The following SHC3 variants were observed in gnomAD, a reference collection of about 807,000 sequenced individuals.
The protein encoded by SHC3 is SHC-transforming protein 3.
SHC3 carries 15 observed loss-of-function variants against 60.4 expected under a neutral mutation model. That is an observed-to-expected ratio of 0.25 (90% confidence interval 0.17 to 0.38). The LOEUF (loss-of-function observed/expected upper bound fraction) is 0.38. SHC3 is among the 10% of genes least tolerant of loss of function. The pLI, the probability that SHC3 is intolerant of heterozygous loss-of-function variation, is 1.00. For missense variants in SHC3, 677 were observed against 786.1 expected, an observed-to-expected ratio of 0.86 and a Z score of 1.66; for synonymous variants, 294 against 325.9, an observed-to-expected ratio of 0.90 and a Z score of 1.05.
intron 6 of SHC3, among the ~76,000 whole-genome samples, chr9:89,064,418 C>T (rs1250531572): frequency 3.3e-5 from 5 of 152,136 alleles, no homozygotes; most frequent in Admixed American, 2.6e-4. Flanking sequence ...ATTCCCATGT[C>T]GCTGGACAGG....
At chr9:89,074,937 T>G (rs951333545) in intron 4 of SHC3, among the ~76,000 whole-genome samples, 172 bp downstream of exon 4, 7 of 152,072 alleles carry the variant, frequency 4.6e-5, no homozygotes, top group Non-Finnish European at 8.8e-5. Flanking sequence ...AGAGAGCCAA[T>G]TTCATTTATC....
chr9:89,153,376 C>T (rs1256432192), intron 1 of SHC3, among the ~76,000 whole-genome samples: 2 of 152,142 alleles, frequency 1.3e-5, no homozygotes, highest in Non-Finnish European at 2.9e-5. Flanking sequence ...ATGAACATCG[C>T]CTACTTCAGC....
intron 1 of SHC3, among the ~76,000 whole-genome samples, chr9:89,130,366 A>G (rs1826226423): frequency 6.6e-6 from 1 of 152,166 alleles, no homozygotes. Flanking sequence ...CGAGACAGAA[A>G]GTTAACAAGG....
chr9:89,161,170 C>T lies in SHC3; in HGVS notation c.474+16817G>A, dbSNP rs537729898. On this transcript the variant is annotated intron_variant, in intron 1 of 11. Transcript: ENST00000375835. ...TATAATCCCCATGTTGGAGGTGGGG[C>T]CTCGTAGGACCCCATACGATCATGG... is the stretch of plus-strand genomic sequence containing the variant. Among the ~76,000 whole-genome samples the T allele has an allele frequency of 1.3e-3, 205 of 152,288 alleles. 2 individuals are homozygous for T. Among genetic ancestry groups the T allele is most frequent in the Non-Finnish European group, 2.3e-3 (156 of 68,018 alleles).
rs866712063 is a variant in SHC3, at chr9:89,077,700, G to A, written c.609+140C>T. On this transcript the variant is annotated intron_variant, in intron 3 of 11. Transcript: ENST00000375835. ...CCACGTGAGAGAGAAAGCAATCTAAGCCCTTTCTGCTTTTAGAAGTAGCAA... is the reference window on the plus strand; with the variant it reads ...CCACGTGAGAGAGAAAGCAATCTAAACCCTTTCTGCTTTTAGAAGTAGCAA... The A allele has an allele frequency of 1.9e-4, 184 of 957,370 alleles. No homozygotes were observed. The Middle Eastern group carries it at 6.0e-3, about 31-fold the overall frequency. 59.3% of individuals were successfully genotyped at this position (957,370 alleles called of 1,614,324 possible). A position where few individuals can be genotyped will look rare whatever the true frequency, so the allele number is the denominator to read the frequency against.
chr9:89,175,737 T>G (rs1206151037), intron 1 of SHC3, among the ~76,000 whole-genome samples: 2 of 152,250 alleles, frequency 1.3e-5, no homozygotes, highest in African/African-American at 4.8e-5. Context: ...TCTAGTCATA[T>G]GATAAAGATG....
intron 1 of SHC3, among the ~76,000 whole-genome samples, chr9:89,124,959 C>A (rs1027041344): frequency 1.3e-5 from 2 of 152,104 alleles, no homozygotes; most frequent in African/African-American, 4.8e-5. Flanking sequence ...TAGGGAGTAA[C>A]TAAATCTTGC....
At chr9:89,056,571 C>G (rs1454243835) in intron 6 of SHC3, among the ~76,000 whole-genome samples, 1 of 152,216 alleles carries the variant, frequency 6.6e-6, no homozygotes, top group Non-Finnish European at 1.5e-5. Flanking sequence ...GGGTGTAATC[C>G]CTAATGTACA....
intron 11 of SHC3, among the ~76,000 whole-genome samples, chr9:89,032,274 T>C (rs1276657812): frequency 2.0e-5 from 3 of 152,198 alleles, no homozygotes; most frequent in Non-Finnish European, 4.4e-5. Context: ...TCTTAAAAAC[T>C]AGTGAATGTG....
chr9:89,162,370 G>T (rs918349935), intron 1 of SHC3, among the ~76,000 whole-genome samples: 2 of 152,130 alleles, frequency 1.3e-5, no homozygotes, highest in African/African-American at 2.4e-5. Flanking sequence ...AACCAAAACA[G>T]CATGGTACTG....
rs116873212 is a variant in SHC3 at position 89,062,741 on chromosome 9, T to C, written c.835+2788A>G. On this transcript the variant is annotated intron_variant, in intron 6 of 11. Coordinates refer to ENST00000375835, the MANE Select transcript of SHC3 (RefSeq NM_016848.6). ...GCTAGAAGCCCCAGTGTGGGGACTT[T>C]TAAGAGCCCAAATAAGAACATTCAC... is the stretch of plus-strand genomic sequence containing the variant. Among the ~76,000 whole-genome samples, 1,279 of 152,284 alleles carry C rather than the reference T, an allele frequency of 8.4e-3. 14 individuals are homozygous for C. Among genetic ancestry groups the C allele is most frequent in the Admixed American group, 0.014 (216 of 15,298 alleles).
intron 11 of SHC3, among the ~76,000 whole-genome samples, chr9:89,015,486 C>A (rs1564074108): frequency 6.6e-6 from 1 of 152,214 alleles, no homozygotes; most frequent in African/African-American, 2.4e-5. Flanking sequence ...TCCAGTGATT[C>A]CAACATGCTG....
intron 7 of SHC3, 73 bp downstream of exon 7, chr9:89,051,964 G>C: frequency 6.3e-7 from 1 of 1,585,696 alleles, no homozygotes; most frequent in African/African-American, 1.3e-5. Flanking sequence ...ACACAGCTCA[G>C]GGATGTGGTT....
At chr9:89,059,797 G>T (rs1377467144) in intron 6 of SHC3, among the ~76,000 whole-genome samples, 26 of 133,796 alleles carry the variant, frequency 1.9e-4, no homozygotes, top group African/African-American at 6.9e-4. Context: ...GGAGGACGTT[G>T]TGGAGGATGG....
intron 1 of SHC3, among the ~76,000 whole-genome samples, chr9:89,116,658 C>G (rs1020950097): frequency 6.6e-6 from 1 of 152,214 alleles, no homozygotes; most frequent in African/African-American, 2.4e-5. Flanking sequence ...CCTCCCATGT[C>G]ACAGCTATGT....
At chr9:89,077,730 CG>C (rs1825381792) in intron 3 of SHC3, 109 bp downstream of exon 3, 3 of 1,330,256 alleles carry the variant, frequency 2.3e-6, no homozygotes. Context: ...TAGCAAGCGC[CG>C]GGCCACAGAA....
At chr9:89,150,651 A>G (rs1472654138) in intron 1 of SHC3, among the ~76,000 whole-genome samples, 1 of 152,192 alleles carries the variant, frequency 6.6e-6, no homozygotes, top group Non-Finnish European at 1.5e-5. Context: ...GCTATTGTAA[A>G]TAAAGCTGCT....
chr9:89,074,400 G>C (rs969387178), intron 4 of SHC3, among the ~76,000 whole-genome samples: 1 of 152,028 alleles, frequency 6.6e-6, no homozygotes, highest in African/African-American at 2.4e-5. Context: ...CACCTCCTGC[G>C]CCTCATTTGA....
intron 2 of SHC3, among the ~76,000 whole-genome samples, chr9:89,079,364 G>A (rs1234827412): frequency 6.6e-6 from 1 of 152,074 alleles, no homozygotes; most frequent in Non-Finnish European, 1.5e-5. Flanking sequence ...ACAGTGAATC[G>A]CTGCATTGTA....
Sources: gnomAD v4.1 joint callset for allele counts (sites outside exome capture counted in the v4.1 genomes callset) on GRCh38, gnomAD v4.1.1 for gene constraint, MANE v1.5 for transcripts, NCBI Gene and HGNC (gene_info 2026-07-23, HGNC 2026-07-21) for gene names.